Variants in OR56A1 observed in about 807,000 individuals in gnomAD.
The protein encoded by OR56A1 is olfactory receptor family 56 subfamily A member 1, also known as olfactory receptor 56A1.
For synonymous variants in OR56A1, 174 were observed against 159.1 expected (o/e 1.09, Z -0.70); for missense variants, 360 against 380.9 (o/e 0.94, Z 0.46).
chr11:6,021,384 T>A lies in OR56A1; in HGVS notation c.*5364A>T, dbSNP rs1848394253. Reference sequence around the variant, plus strand: ...AATATATTGTATATTTTCAAATAGCTAGAAGAAAGAATATTGAATATACCC... The same window carrying A: ...AATATATTGTATATTTTCAAATAGCAAGAAGAAAGAATATTGAATATACCC... On this transcript the variant is annotated 3_prime_UTR_variant, in exon 2 of 2. Coordinates refer to ENST00000641900, the MANE Select transcript of OR56A1 (RefSeq NM_001388488.1). 6.6e-6 allele frequency: 1 copy of A among 152,062 alleles called. No individual in the cohort carries two copies. Among genetic ancestry groups the A allele is most frequent in the Non-Finnish European group, 1.5e-5 (1 of 67,976 alleles). 9.4% of individuals were successfully genotyped at this position (152,062 alleles called of 1,614,324 possible). A position where few individuals can be genotyped will look rare whatever the true frequency, so the allele number is the denominator to read the frequency against.
chr11:6,027,034 G>A lies in OR56A1; in HGVS notation c.659C>T (p.Ser220Phe). 1 of 1,614,232 alleles carries A rather than the reference G, an allele frequency of 6.2e-7. No individual in the cohort carries two copies. Among genetic ancestry groups the A allele is most frequent in the Non-Finnish European group, 8.5e-7 (1 of 1,180,038 alleles). The change falls in exon 2 of 2, where the codon TCT (serine) becomes TTT (phenylalanine). Residue 220 changes from serine to phenylalanine, a missense_variant. Coordinates refer to ENST00000641900, the MANE Select transcript of OR56A1 (RefSeq NM_001388488.1). ...CACAGCTCTTAGAATGAAGGTGTAA[G>A]AGAGGAAGATGAGGAATAAATCTGA... ...LGSDLFLIFL[S>F]YTFILRAVLR...
In OR56A1 at chr11:6,026,966, T is replaced by G. The variant is rs772409529; in HGVS notation, c.727A>C (p.Thr243Pro). The G allele has an allele frequency of 9.3e-6, 15 of 1,614,150 alleles. No homozygotes were observed. Among genetic ancestry groups the G allele is most frequent in the Admixed American group, 1.7e-5 (1 of 60,030 alleles). Residue 243 changes from threonine to proline, a missense_variant, in exon 2 of 2, where the codon ACA (threonine) becomes CCA (proline). Coordinates refer to ENST00000641900, the MANE Select transcript of OR56A1 (RefSeq NM_001388488.1). ...AEGAAVKALSTCGSHFILILF... is the reference protein window; with the variant it reads ...AEGAAVKALSPCGSHFILILF... ...ATGAGGATGAAGTGGGAGCCACATGTGCTCAGGGCCTTCACTGCCGCCCCC... is the reference window on the plus strand; with the variant it reads ...ATGAGGATGAAGTGGGAGCCACATGGGCTCAGGGCCTTCACTGCCGCCCCC...
In OR56A1 at chr11:6,020,497, G is replaced by A. The variant is rs1253296095; in HGVS notation, c.*6251C>T. The stretch of plus-strand genomic sequence containing the variant: ...CCTCTGATTTCTTTGAGCAGTGTTT[G>A]GTAATTCTCACTGTAGAGATCTTTC... On this transcript the variant is annotated 3_prime_UTR_variant, in exon 2 of 2. Coordinates refer to ENST00000641900, the MANE Select transcript of OR56A1 (RefSeq NM_001388488.1). The A allele has an allele frequency of 6.6e-6, 1 of 151,956 alleles. No individual in the cohort carries two copies. Among genetic ancestry groups the A allele is most frequent in the Non-Finnish European group, 1.5e-5 (1 of 67,912 alleles). The allele number at this position is 151,956 out of a possible 1,614,324, so 9.4% of individuals were successfully genotyped here.
rs1848438939 is a variant in OR56A1 at position 6,025,559 on chromosome 11, C to A, written c.*1189G>T. 1 of 152,200 alleles carries A rather than the reference C, an allele frequency of 6.6e-6. No homozygotes were observed. Among genetic ancestry groups the A allele is most frequent in the South Asian group, 2.1e-4 (1 of 4,832 alleles). 9.4% of individuals were successfully genotyped at this position (152,200 alleles called of 1,614,324 possible). On this transcript the variant is annotated 3_prime_UTR_variant, in exon 2 of 2. Transcript: ENST00000641900. ...GTTTAACTCCCAGCCTTATTGAACT[C>A]TCTCAAAAATACCAGCACCATCAAG...
chr11:6,033,553 A>G (rs1158478082), upstream of OR56A1, among the ~76,000 whole-genome samples: 1 of 151,860 alleles, frequency 6.6e-6, no homozygotes, highest in Non-Finnish European at 1.5e-5. Context: ...GGACTATCCA[A>G]TACAGGGCAC....
At chr11:6,029,089 A>G (rs917517721) in intron 1 of OR56A1, among the ~76,000 whole-genome samples, 3 of 152,198 alleles carry the variant, frequency 2.0e-5, no homozygotes, top group Non-Finnish European at 4.4e-5. Context: ...AAATGTGTAC[A>G]TATAGATGTA....
In OR56A1 at chr11:6,026,955, G is replaced by A; in HGVS notation, c.738C>T (p.Ser246=). The A allele has an allele frequency of 6.2e-7, 1 of 1,614,158 alleles. No individual in the cohort carries two copies. Among genetic ancestry groups the A allele is most frequent in the Non-Finnish European group, 8.5e-7 (1 of 1,180,012 alleles). The change falls in exon 2 of 2, where the codon TCC becomes TCT. Residue 246 remains serine, a synonymous_variant. Coordinates refer to ENST00000641900, the MANE Select transcript of OR56A1 (RefSeq NM_001388488.1). ...TGAAGAAAAGAATGAGGATGAAGTG[G>A]GAGCCACATGTGCTCAGGGCCTTCA... is the stretch of plus-strand genomic sequence containing the variant. ...AAVKALSTCG[S]HFILILFFST... is the part of the protein sequence containing the mutation.
rs375701735 is a variant in OR56A1 at position 6,026,897 on chromosome 11, C to T, written c.796G>A (p.Val266Met). Residue 266 changes from valine (V) to methionine (M), a missense_variant, in exon 2 of 2, where the codon GTG becomes ATG. Val to Met is a conservative substitution (Grantham distance 21). Transcript: ENST00000641900. Reference sequence around the variant, plus strand: ...TCCATGGGGACCTTCTTTCTGGCCACGTTTGTCAACACCACAACCAGCAGT... The same window carrying T: ...TCCATGGGGACCTTCTTTCTGGCCATGTTTGTCAACACCACAACCAGCAGT... ...TILLVVVLTNVARKKVPMDIL... is the reference protein window; with the variant it reads ...TILLVVVLTNMARKKVPMDIL... 5.6e-6 allele frequency: 9 copies of T among 1,614,014 alleles called. No individual in the cohort carries two copies. The African/African-American group carries it at 8.0e-5, about 14-fold the overall frequency.
intron 1 of OR56A1, among the ~76,000 whole-genome samples, chr11:6,028,723 A>G (rs1848482162): frequency 6.6e-6 from 1 of 152,204 alleles, no homozygotes; most frequent in African/African-American, 2.4e-5. Flanking sequence ...GGAAAACAGT[A>G]TGGAAATTCC....
upstream of OR56A1, among the ~76,000 whole-genome samples, chr11:6,034,052 A>G (rs1848536499): frequency 6.6e-6 from 1 of 152,182 alleles, no homozygotes. Context: ...CTTGCACTAC[A>G]TACCCTACCC....
chr11:6,032,926 G>A (rs1001988851), upstream of OR56A1, among the ~76,000 whole-genome samples: 1 of 152,010 alleles, frequency 6.6e-6, no homozygotes, highest in Non-Finnish European at 1.5e-5. Context: ...CTTCCTATGT[G>A]AGTCTTCCCT....
At chr11:6,031,029 G>A (rs1032784704), upstream of OR56A1, among the ~76,000 whole-genome samples, 4 of 152,160 alleles carry the variant, frequency 2.6e-5, no homozygotes, top group Non-Finnish European at 5.9e-5. Flanking sequence ...CTCAACCCTA[G>A]AGGAAAAGAG....
Position 6,026,742 on chromosome 11 carries a change from A to G in OR56A1, c.*6T>C, listed in dbSNP as rs1848451139. 2.6e-6 allele frequency: 4 copies of G among 1,513,144 alleles called. No homozygotes were observed. The highest frequency in any genetic ancestry group is 3.6e-5 in the Admixed American group (2 of 54,994). 93.7% of individuals were successfully genotyped at this position (1,513,144 alleles called of 1,614,324 possible). A position where few individuals can be genotyped will look rare whatever the true frequency, so the allele number is the denominator to read the frequency against. The stretch of plus-strand genomic sequence containing the variant: ...GAACAGGAGGTATTAGAAATGCTTT[A>G]CATATTCACCTCCCTCTCTGCAGTA... On this transcript the variant is annotated 3_prime_UTR_variant, in exon 2 of 2. Coordinates refer to ENST00000641900, the MANE Select transcript of OR56A1 (RefSeq NM_001388488.1).
chr11:6,031,299 T>C (rs909019371), upstream of OR56A1, among the ~76,000 whole-genome samples: 3 of 152,158 alleles, frequency 2.0e-5, no homozygotes, highest in East Asian at 5.8e-4. Context: ...GTACATTTTC[T>C]ATGCTGAAGA....
rs1848395300 is a variant in OR56A1, at chr11:6,021,463, C to T, written c.*5285G>A. The stretch of plus-strand genomic sequence containing the variant: ...TGATGGATATGCTAATTACCCTGAT[C>T]TGCTCACTACACGTTGTATGTAACT... On this transcript the variant is annotated 3_prime_UTR_variant, in exon 2 of 2. Coordinates refer to ENST00000641900, the MANE Select transcript of OR56A1 (RefSeq NM_001388488.1). 6.6e-6 allele frequency: 1 copy of T among 152,062 alleles called. No homozygotes were observed. Among genetic ancestry groups the T allele is most frequent in the South Asian group, 2.1e-4 (1 of 4,826 alleles). The allele number at this position is 152,062 out of a possible 1,614,324, so 9.4% of individuals were successfully genotyped here. A position where few individuals can be genotyped will look rare whatever the true frequency, so the allele number is the denominator to read the frequency against.
chr11:6,030,071 C>T lies in OR56A1; in HGVS notation c.-35+631G>A, dbSNP rs935921498. Among the ~76,000 whole-genome samples, 5 of 152,066 alleles carry T rather than the reference C, an allele frequency of 3.3e-5. No individual in the cohort carries two copies. The East Asian group carries it at 5.8e-4, about 18-fold the overall frequency. ...TTTATTCTACCCATTGAAAATGATACGAAGTACATGATGAAACCACTAAGA... is the reference window on the plus strand; with the variant it reads ...TTTATTCTACCCATTGAAAATGATATGAAGTACATGATGAAACCACTAAGA... On this transcript the variant is annotated intron_variant, in intron 1 of 1. Coordinates refer to ENST00000641900, the MANE Select transcript of OR56A1 (RefSeq NM_001388488.1).
chr11:6,028,309 A>T (rs1198733884), intron 1 of OR56A1, among the ~76,000 whole-genome samples: 1 of 152,032 alleles, frequency 6.6e-6, no homozygotes, highest in African/African-American at 2.4e-5. Context: ...CTGAAAAAAA[A>T]AAAAGGAAAG....
Position 6,027,387 on chromosome 11 carries a change from G to A in OR56A1, c.306C>T (p.Leu102=), listed in dbSNP as rs183308412. Residue 102 remains leucine (L), a synonymous_variant, in exon 2 of 2, where the codon CTC becomes CTT. Transcript: ENST00000641900. The stretch of plus-strand genomic sequence containing the variant: ...GGAAACTGTTCATGATGAACATCTG[G>A]AGGAAGCAGGCAGGGAAGCTGATCG... ...LRSISFPACF[L]QMFIMNSFLP... is the part of the protein sequence containing the mutation. The A allele has an allele frequency of 2.0e-4, 319 of 1,614,186 alleles. 2 individuals are homozygous for A. The East Asian group carries it at 5.9e-3, about 30-fold the overall frequency.
At position 6,020,477 on chromosome 11, in the gene OR56A1, G is replaced by A. The variant is rs1263794926; in HGVS notation, c.*6271C>T. The A allele has an allele frequency of 2.0e-5, 3 of 152,050 alleles. No individual in the cohort carries two copies. Among genetic ancestry groups the A allele is most frequent in the Non-Finnish European group, 4.4e-5 (3 of 67,960 alleles). The allele number at this position is 152,050 out of a possible 1,614,324, so 9.4% of individuals were successfully genotyped here. On this transcript the variant is annotated 3_prime_UTR_variant, in exon 2 of 2. Transcript: ENST00000641900. ...CTGTCCATTAGTTTGTATCTCCTCT[G>A]ATTTCTTTGAGCAGTGTTTGGTAAT...
Sources: allele counts gnomAD v4.1 joint callset (sites outside exome capture counted in the v4.1 genomes callset), GRCh38; gene constraint gnomAD v4.1.1; transcripts MANE v1.5; gene names NCBI Gene and HGNC (gene_info 2026-07-23, HGNC 2026-07-21).